The following CSPG5 variants were observed in gnomAD, a reference collection of about 807,000 sequenced individuals.
CSPG5 encodes chondroitin sulfate proteoglycan 5.
CSPG5 carries 25 observed loss-of-function variants against 39.8 expected under a neutral mutation model. The ratio of observed to expected loss-of-function variants is 0.63; its 90% confidence interval spans 0.46 to 0.88. CSPG5 has a LOEUF of 0.88. CSPG5 is among the 40% of genes least tolerant of loss of function. The pLI, the probability that CSPG5 is intolerant of heterozygous loss-of-function variation, is 0.00. For synonymous variants in CSPG5, 295 were observed against 303.9 expected, an observed-to-expected ratio of 0.97 and a Z score of 0.31; for missense variants, 627 against 702.2, an observed-to-expected ratio of 0.89 and a Z score of 1.21.
At chr3:47,576,381 A>T (rs1458488983) in intron 2 of CSPG5, among the ~76,000 whole-genome samples, 1 of 152,048 alleles carries the variant, frequency 6.6e-6, no homozygotes, top group Admixed American at 6.5e-5. Context: ...AGCCTGAGTG[A>T]ACATTTCTCC....
In CSPG5 at chr3:47,577,760, A is replaced by G. The variant is rs748739514; in HGVS notation, c.266T>C (p.Leu89Pro). 26 of 1,590,870 alleles carry G rather than the reference A, an allele frequency of 1.6e-5. No individual in the cohort carries two copies. The Admixed American group carries it at 3.9e-4, about 24-fold the overall frequency. The change falls in exon 2 of 5, where the codon CTG becomes CCG. Residue 89 changes from leucine (L) to proline (P), a missense_variant. Transcript: ENST00000264723. The surrounding 1 kb of genome is among the most constrained non-coding windows in gnomAD (Gnocchi z 4.7). ...GGELAGPEEV[L>P]QESAAVTGTA... ...GCCGGTCACCGCAGCCGACTCCTGC[A>G]GCACCTCTTCTGGCCCGGCCAGCTC... is the stretch of plus-strand genomic sequence containing the variant.
At position 47,572,707 on chromosome 3, in the gene CSPG5, T is replaced by C; in HGVS notation, c.1361A>G (p.Asn454Ser). 1 of 1,614,130 alleles carries C rather than the reference T, an allele frequency of 6.2e-7. No homozygotes were observed. Among genetic ancestry groups the C allele is most frequent in the Non-Finnish European group, 8.5e-7 (1 of 1,179,988 alleles). ...TCACTTGGTCCTACGCAGCTTGGTA[T>C]TCTCCGTCTTGAGCAGGTAGAGCTT... ...AKKLYLLKTENTKLRRTNKFR... is the reference protein window; with the variant it reads ...AKKLYLLKTESTKLRRTNKFR... The change falls in exon 3 of 5, where the codon AAT becomes AGT. Residue 454 changes from asparagine to serine, a missense_variant. Physicochemically the swap from Asn to Ser is conservative, Grantham distance 46. Transcript: ENST00000264723. The surrounding 1 kb of genome is among the most constrained non-coding windows in gnomAD (Gnocchi z 4.5).
In CSPG5 at chr3:47,575,931, T is replaced by A. The variant is rs1039751320; in HGVS notation, c.1193+902A>T. Among the ~76,000 whole-genome samples, 8 of 127,650 alleles carry A rather than the reference T, an allele frequency of 6.3e-5. No individual in the cohort carries two copies. In the South Asian group the frequency reaches 1.8e-3, roughly 29 times the overall value. 83.7% of individuals were successfully genotyped at this position (127,650 alleles called of 152,430 possible). On this transcript the variant is annotated intron_variant, in intron 2 of 4. Coordinates refer to ENST00000264723, the MANE Select transcript of CSPG5 (RefSeq NM_006574.4). ...TTAAAGAATTCCCTTCATTTTGCCT[T>A]TTTTTTTTTTTTTTTTTTTTTTTGA...
chr3:47,574,338 A>G (rs1287667430), intron 2 of CSPG5, among the ~76,000 whole-genome samples: 1 of 152,150 alleles, frequency 6.6e-6, no homozygotes, highest in African/African-American at 2.4e-5. Context: ...GTTCACTTTG[A>G]AGGTGAAAAT....
intron 4 of CSPG5, among the ~76,000 whole-genome samples, chr3:47,564,323 C>A (rs1005144547): frequency 6.6e-6 from 1 of 152,120 alleles, no homozygotes; most frequent in African/African-American, 2.4e-5. Context: ...GGAGAGACCC[C>A]GGGCTTTCCA....
At chr3:47,566,619 C>T (rs2031312051) in intron 4 of CSPG5, among the ~76,000 whole-genome samples, 2 of 152,162 alleles carry the variant, frequency 1.3e-5, no homozygotes, top group African/African-American at 2.4e-5. Context: ...ATGATGTCCC[C>T]TTGGGCACAA....
At position 47,562,782 on chromosome 3, in the gene CSPG5, G is replaced by T. The variant is rs9842590; in HGVS notation, c.1459-21C>A. 6.4e-3 allele frequency: 10,095 copies of T among 1,566,912 alleles called. 244 individuals are homozygous for T. Among genetic ancestry groups the T allele is most frequent in the African/African-American group, 0.055 (4,004 of 73,126 alleles). ...TCATCCTGGAAGAGGGAAAAAGTTG[G>T]GGGGGGGGAGACAATGCATACAGCA... is the stretch of plus-strand genomic sequence containing the variant. On this transcript the variant is annotated intron_variant, in intron 4 of 4. Transcript: ENST00000264723.
At chr3:47,562,788 GGGA>G in intron 4 of CSPG5, 27 bp from the exon 5 acceptor site, 1 of 1,547,242 alleles carries the variant, frequency 6.5e-7, no homozygotes, top group Non-Finnish European at 8.9e-7. Context: ...GTTGGGGGGG[GGGA>G]GACAATGCAT....
chr3:47,577,654 T>C lies in CSPG5; in HGVS notation c.372A>G (p.Pro124=), dbSNP rs1326636745. The change falls in exon 2 of 5, where the codon CCA becomes CCG. Residue 124 remains proline, a synonymous_variant. Coordinates refer to ENST00000264723, the MANE Select transcript of CSPG5 (RefSeq NM_006574.4). This position sits in a 1 kb window ranked among gnomAD's most constrained non-coding sequence, Gnocchi z 4.7. The part of the protein sequence containing the change: ...EAGSGDAQAL[P]ATLQAPHEVL... ...CCTCGTGGGGAGCCTGGAGCGTAGC[T>C]GGAAGGGCCTGGGCATCGCCGCTGC... The C allele has an allele frequency of 2.5e-6, 4 of 1,606,682 alleles. No homozygotes were observed. The South Asian group carries it at 4.4e-5, about 18-fold the overall frequency.
intron 3 of CSPG5, among the ~76,000 whole-genome samples, chr3:47,571,150 G>A (rs2031513401): frequency 6.6e-6 from 1 of 151,524 alleles, no homozygotes; most frequent in African/African-American, 2.4e-5. Flanking sequence ...TTTCAGAGAT[G>A]TTAATATGTG....
chr3:47,569,039 A>T (rs974585090), intron 4 of CSPG5, 113 bp downstream of exon 4: 1 of 1,453,868 alleles, frequency 6.9e-7, no homozygotes, highest in Non-Finnish European at 9.1e-7. Flanking sequence ...CAAAGCATGC[A>T]TAAGAGGAGA....
At chr3:47,564,367 A>C (rs1475588127) in intron 4 of CSPG5, among the ~76,000 whole-genome samples, 1 of 152,168 alleles carries the variant, frequency 6.6e-6, no homozygotes, top group African/African-American at 2.4e-5. Flanking sequence ...CGGGGCATCC[A>C]TGAGTTCTGT....
At chr3:47,576,596 C>T (rs2031745425) in intron 2 of CSPG5, among the ~76,000 whole-genome samples, 1 of 151,952 alleles carries the variant, frequency 6.6e-6, no homozygotes, top group African/African-American at 2.4e-5. Context: ...GTAGCTGGGA[C>T]TACAGGTGCC....
At position 47,577,246 on chromosome 3, in the gene CSPG5, G is replaced by A. The variant is rs1304441508; in HGVS notation, c.780C>T (p.Phe260=). 1.9e-6 allele frequency: 3 copies of A among 1,610,646 alleles called. No homozygotes were observed. The highest frequency in any genetic ancestry group is 2.2e-5 in the East Asian group (1 of 44,758). ...TGGTGGGGTAGAAATCAGATTCATCGAAGGGGGTGAAATCATCGTATAAGT... is the reference window on the plus strand; with the variant it reads ...TGGTGGGGTAGAAATCAGATTCATCAAAGGGGGTGAAATCATCGTATAAGT... ...LLDLYDDFTP[F]DESDFYPTTS... The change falls in exon 2 of 5, where the codon TTC becomes TTT. Residue 260 remains phenylalanine, a synonymous_variant. Coordinates refer to ENST00000264723, the MANE Select transcript of CSPG5 (RefSeq NM_006574.4). The surrounding 1 kb of genome is among the most constrained non-coding windows in gnomAD (Gnocchi z 4.7).
chr3:47,566,340 T>C (rs1228486128), intron 4 of CSPG5, among the ~76,000 whole-genome samples: 1 of 152,162 alleles, frequency 6.6e-6, no homozygotes, highest in African/African-American at 2.4e-5. Context: ...TCTCCTCCCG[T>C]ATCATCTGGA....
At chr3:47,571,542 G>A (rs576180154) in intron 3 of CSPG5, among the ~76,000 whole-genome samples, 397 of 152,346 alleles carry the variant, frequency 2.6e-3, no homozygotes, top group Non-Finnish European at 4.1e-3. Flanking sequence ...CACGTGTGTA[G>A]ATGCAGCCCG....
intron 3 of CSPG5, among the ~76,000 whole-genome samples, chr3:47,570,882 T>C (rs780187609): frequency 2.6e-5 from 4 of 152,158 alleles, no homozygotes; most frequent in Non-Finnish European, 4.4e-5. Flanking sequence ...GACAACAATA[T>C]GAACAGCTAG....
intron 4 of CSPG5, among the ~76,000 whole-genome samples, chr3:47,566,634 AC>A (rs2031312251): frequency 6.6e-6 from 1 of 152,168 alleles, no homozygotes; most frequent in Non-Finnish European, 1.5e-5. Flanking sequence ...GCACAAGCTG[AC>A]GGAAAGACAC....
chr3:47,572,587 C>G lies in CSPG5; in HGVS notation c.1382+99G>C, dbSNP rs996058661. ...GGAATGGAGCACAGGTGCCAGAAAC[C>G]CTCACGACAAAGTCCCTGGATCAGT... On this transcript the variant is annotated intron_variant, in intron 3 of 4. Coordinates refer to ENST00000264723, the MANE Select transcript of CSPG5 (RefSeq NM_006574.4). This position sits in a 1 kb window ranked among gnomAD's most constrained non-coding sequence, Gnocchi z 4.5. The G allele has an allele frequency of 9.7e-7, 1 of 1,033,384 alleles. No individual in the cohort carries two copies. Among genetic ancestry groups the G allele is most frequent in the Admixed American group, 2.1e-5 (1 of 47,886 alleles). 64.0% of individuals were successfully genotyped at this position (1,033,384 alleles called of 1,614,324 possible).
Sources: allele counts gnomAD v4.1 joint callset (sites outside exome capture counted in the v4.1 genomes callset), GRCh38; gene constraint gnomAD v4.1.1; non-coding constraint Gnocchi (gnomAD v3.1); transcripts MANE v1.5; gene names NCBI Gene and HGNC (gene_info 2026-07-23, HGNC 2026-07-21).